Variants in NWD1 observed in about 807,000 individuals in gnomAD.
The protein encoded by NWD1 is NACHT domain- and WD repeat-containing protein 1.
NWD1 carries 129 observed loss-of-function variants against 135.1 expected under a neutral mutation model. The ratio of observed to expected loss-of-function variants is 0.96; its 90% CI spans 0.83 to 1.11. The LOEUF (loss-of-function observed/expected upper bound fraction) is 1.11. Among genes scored for constraint, NWD1 ranks in the 50% least tolerant of loss-of-function variants. NWD1 has a pLI of 0.00. For synonymous variants in NWD1, 773 were observed against 786.0 expected (o/e 0.98, Z 0.28); for missense variants, 1,740 against 1,851.3 (o/e 0.94, Z 1.10).
In NWD1 at chr19:16,739,242, C is replaced by T. The variant is rs1187849779; in HGVS notation, c.198+2492C>T. Among the ~76,000 whole-genome samples, 15 of 146,420 alleles carry T rather than the reference C, an allele frequency of 1.0e-4. No individual in the cohort carries two copies. The East Asian group carries it at 2.2e-3, about 21-fold the overall frequency. ...CCATGGTGGCTCATGCCTGTAATCC[C>T]GCACTTCAGGAGGCTGAGATGAGAG... On this transcript the variant is annotated intron_variant, in intron 4 of 18. Coordinates refer to ENST00000524140, the MANE Select transcript of NWD1 (RefSeq NM_001007525.5).
At position 16,776,500 on chromosome 19, in the gene NWD1, G is replaced by A. The variant is rs988753999; in HGVS notation, c.2609-2843G>A. On this transcript the variant is annotated intron_variant, in intron 11 of 18. Transcript: ENST00000524140. The stretch of plus-strand genomic sequence containing the variant: ...GGAGAATTGCTTGAAACTGGAAGGC[G>A]GAGGTTGCAGTGAGCGGAGATCGTT... Among the ~76,000 whole-genome samples, 93 of 151,880 alleles carry A rather than the reference G, an allele frequency of 6.1e-4. 1 individual carries two copies. Among genetic ancestry groups the A allele is most frequent in the East Asian group, 1.9e-4 (1 of 5,158 alleles).
At position 16,762,262 on chromosome 19, in the gene NWD1, A is replaced by G. The variant is rs893980067; in HGVS notation, c.2133+124A>G. ...CGACCTACTTCTCCTTTCCGCACAGAGGGCAAGATGTCCCTTCTACTGTCC... is the reference window on the plus strand; with the variant it reads ...CGACCTACTTCTCCTTTCCGCACAGGGGGCAAGATGTCCCTTCTACTGTCC... On this transcript the variant is annotated intron_variant, in intron 8 of 18. Transcript: ENST00000524140. 9.7e-6 allele frequency: 7 copies of G among 722,790 alleles called. No homozygotes were observed. In the Admixed American group the frequency reaches 1.6e-4, roughly 17 times the overall value. 44.8% of individuals were successfully genotyped at this position (722,790 alleles called of 1,614,324 possible).
intron 18 of NWD1, chr19:16,812,749 C>G (rs767489367): frequency 1.3e-6 from 1 of 781,070 alleles, no homozygotes; most frequent in Admixed American, 1.7e-5. Flanking sequence ...CAACAGAGTT[C>G]TTACTGCAGA....
intron 7 of NWD1, among the ~76,000 whole-genome samples, chr19:16,761,240 C>G (rs892239712): frequency 6.6e-6 from 1 of 152,126 alleles, no homozygotes; most frequent in Non-Finnish European, 1.5e-5. Context: ...ATGGATGGAC[C>G]AGGTTTTGTT....
chr19:16,730,326 A>G (rs1213173428), intron 2 of NWD1, among the ~76,000 whole-genome samples: 1 of 151,972 alleles, frequency 6.6e-6, no homozygotes, highest in Non-Finnish European at 1.5e-5. Flanking sequence ...GTCTCAAAAA[A>G]CAAACTAACA....
chr19:16,737,964 C>CAAAAGAAAAGAAAAAAA (rs147713373), intron 4 of NWD1, among the ~76,000 whole-genome samples: 3 of 124,540 alleles, frequency 2.4e-5, no homozygotes, highest in African/African-American at 9.9e-5. Context: ...GACTCTATCT[C>CAAAAGAAAAGAAAAAAA]GAAAAGAAAA....
intron 1 of NWD1, among the ~76,000 whole-genome samples, chr19:16,720,574 T>G (rs1433249865): frequency 6.6e-6 from 1 of 152,142 alleles, no homozygotes; most frequent in African/African-American, 2.4e-5. Context: ...TTTTTTTTTT[T>G]GAGACGGAGT....
rs748757446 is a variant in NWD1, at chr19:16,749,753, C to A, written c.1111C>A (p.Arg371=). 7.5e-6 allele frequency: 12 copies of A among 1,606,892 alleles called. No homozygotes were observed. The highest frequency in any genetic ancestry group is 1.0e-5 in the Non-Finnish European group (12 of 1,176,004). The change falls in exon 6 of 19, where the codon CGG becomes AGG. Residue 371 remains arginine, a synonymous_variant. Transcript: ENST00000524140. ...LLGHKTVTVL[R]LLGTSQMSSD... ...GGGGCACAAGACAGTGACCGTCCTGCGGCTGCTGGGGACGTCACAAATGAG... is the reference window on the plus strand; with the variant it reads ...GGGGCACAAGACAGTGACCGTCCTGAGGCTGCTGGGGACGTCACAAATGAG...
rs143890689 is a variant in NWD1 at position 16,736,867 on chromosome 19, C to T, written c.198+117C>T. On this transcript the variant is annotated intron_variant, in intron 4 of 18. Coordinates refer to ENST00000524140, the MANE Select transcript of NWD1 (RefSeq NM_001007525.5). ...ACCGTTTCTGCTTTCGTACCTTATC[C>T]CTATGGCCTGCCTGTGGCAGACATT... 1.6e-3 allele frequency: 1,109 copies of T among 680,504 alleles called. 3 individuals are homozygous for T. The highest frequency in any genetic ancestry group is 2.3e-3 in the Non-Finnish European group (885 of 380,472). The allele number at this position is 680,504 out of a possible 1,614,324, so 42.2% of individuals were successfully genotyped here.
rs772353153 is a variant in NWD1 at position 16,808,101 on chromosome 19, C to T, written c.4252C>T (p.Gln1418Ter). 4.8e-5 allele frequency: 77 copies of T among 1,613,896 alleles called. No homozygotes were observed. The East Asian group carries it at 1.6e-3, about 34-fold the overall frequency. Residue 1418 changes from glutamine to a stop codon, truncating the protein, a stop_gained, in exon 18 of 19, where the codon CAG becomes TAG. Coordinates refer to ENST00000524140, the MANE Select transcript of NWD1 (RefSeq NM_001007525.5). LOFTEE classifies it high-confidence loss of function. ...TGCCCTGCTGTGTCTCTGGGACCTG[C>T]AGGCACGCAAGTGGAAATTCGAGAT... is the stretch of plus-strand genomic sequence containing the variant. ...EDALLCLWDLQARKWKFEMSY... is the reference protein window; with the variant it reads ...EDALLCLWDL
chr19:16,758,802 G>A (rs1210273706), intron 6 of NWD1, among the ~76,000 whole-genome samples: 1 of 152,038 alleles, frequency 6.6e-6, no homozygotes, highest in Non-Finnish European at 1.5e-5. Context: ...GAGGTCAGGA[G>A]TTGGAGACCA....
intron 11 of NWD1, among the ~76,000 whole-genome samples, chr19:16,774,637 C>T (rs1276384137): frequency 6.6e-5 from 10 of 151,952 alleles, no homozygotes; most frequent in Non-Finnish European, 1.5e-4. Context: ...CCTTCCCATC[C>T]TTTCATCCGT....
intron 11 of NWD1, among the ~76,000 whole-genome samples, chr19:16,774,755 T>A: frequency 6.6e-6 from 1 of 151,782 alleles, no homozygotes; most frequent in East Asian, 1.9e-4. Flanking sequence ...CTTTCTTTCT[T>A]CCTTCCTTCC....
In NWD1 at chr19:16,773,279, C is replaced by G; in HGVS notation, c.2564C>G (p.Pro855Arg). Residue 855 changes from proline to arginine, a missense_variant, in exon 11 of 19, where the codon CCC becomes CGC. Transcript: ENST00000524140. ...VLVPLGGFLQ[P>R]PGGPLRATLS... Reference sequence around the variant, plus strand: ...GTGCCCCTCGGAGGATTCCTCCAGCCCCCGGGAGGACCCCTCCGGGCAACT... The same window carrying G: ...GTGCCCCTCGGAGGATTCCTCCAGCGCCCGGGAGGACCCCTCCGGGCAACT... 1.9e-6 allele frequency: 3 copies of G among 1,613,270 alleles called. No homozygotes were observed. Among genetic ancestry groups the G allele is most frequent in the Non-Finnish European group, 2.5e-6 (3 of 1,179,962 alleles).
intron 18 of NWD1, chr19:16,812,609 C>T (rs889166175): frequency 2.1e-4 from 133 of 647,888 alleles, no homozygotes; most frequent in Non-Finnish European, 3.5e-4. Context: ...GTGGAGGTTG[C>T]AGTGAGCTGA....
chr19:16,767,593 G>A (rs142802641), intron 10 of NWD1, among the ~76,000 whole-genome samples: 3,035 of 151,950 alleles, frequency 0.02, 107 homozygotes, highest in African/African-American at 0.069. Context: ...CAGCCTGGGT[G>A]ACAGAGTGAG....
chr19:16,773,854 ATC>A (rs542879983), intron 11 of NWD1, among the ~76,000 whole-genome samples: 103 of 151,264 alleles, frequency 6.8e-4, no homozygotes, highest in Non-Finnish European at 9.3e-4. Context: ...CCATTCATTC[ATC>A]TCTCTATCTA....
intron 6 of NWD1, 119 bp from the exon 7 acceptor site, chr19:16,759,106 C>A: frequency 2.6e-6 from 2 of 770,136 alleles, no homozygotes; most frequent in East Asian, 2.5e-5. Context: ...AAATGCTGAT[C>A]CCAGGTGATG....
rs906703741 is a variant in NWD1, at chr19:16,815,510, A to G, written c.*471A>G. 5.4e-6 allele frequency: 3 copies of G among 556,304 alleles called. No individual in the cohort carries two copies. The highest frequency in any genetic ancestry group is 1.9e-5 in the African/African-American group (1 of 52,872). 34.5% of individuals were successfully genotyped at this position (556,304 alleles called of 1,614,324 possible). ...TTATTCTTTCCTCTTTTTCATTTTC[A>G]TTCTCAGACTTGCCACCCCCAGGTT... On this transcript the variant is annotated 3_prime_UTR_variant, in exon 19 of 19. Coordinates refer to ENST00000524140, the MANE Select transcript of NWD1 (RefSeq NM_001007525.5).
Sources: allele counts gnomAD v4.1 joint callset (sites outside exome capture counted in the v4.1 genomes callset), GRCh38; gene constraint gnomAD v4.1.1; transcripts MANE v1.5; gene names NCBI Gene and HGNC (gene_info 2026-07-23, HGNC 2026-07-21).